The following FAM171B variants were observed in gnomAD, a reference collection of about 807,000 sequenced individuals.
FAM171B encodes the protein protein FAM171B.
In FAM171B, 19 loss-of-function variants were observed where a neutral mutation model predicts 75.6. The ratio of observed to expected loss-of-function variants is 0.25; its 90% confidence interval spans 0.18 to 0.37. FAM171B has a LOEUF of 0.37. Among genes scored for constraint, FAM171B ranks in the 10% least tolerant of loss-of-function variants. The probability of loss-of-function intolerance (pLI) is 1.00; values close to 1 mark genes in which losing one functional copy is unlikely to be tolerated. For synonymous variants in FAM171B, 367 were observed against 361.7 expected (o/e 1.01, Z -0.17); for missense variants, 848 against 982.4 (o/e 0.86, Z 1.83).
intron 6 of FAM171B, among the ~76,000 whole-genome samples, chr2:186,755,455 T>C (rs1690519709): frequency 6.6e-6 from 1 of 152,224 alleles, no homozygotes; most frequent in Non-Finnish European, 1.5e-5. Context: ...ATAATTCTTT[T>C]GGTTTATCAA....
chr2:186,724,114 G>C (rs184167468), intron 1 of FAM171B, among the ~76,000 whole-genome samples: 2 of 152,314 alleles, frequency 1.3e-5, no homozygotes, highest in East Asian at 3.9e-4. Context: ...AAGTGGGTTA[G>C]CACAGCAAGT....
intron 1 of FAM171B, among the ~76,000 whole-genome samples, chr2:186,703,431 G>A (rs776455640): frequency 9.2e-5 from 14 of 152,086 alleles, no homozygotes; most frequent in Non-Finnish European, 1.6e-4. Flanking sequence ...CCTGAGCTCC[G>A]AACACATTAT....
At chr2:186,753,111 CATG>C (rs1227400244) in intron 5 of FAM171B, among the ~76,000 whole-genome samples, 1 of 152,008 alleles carries the variant, frequency 6.6e-6, no homozygotes, top group Non-Finnish European at 1.5e-5. Flanking sequence ...TCTGGAGAGT[CATG>C]ATTTTTCTAA....
Position 186,754,002 on chromosome 2 carries a change from C to T in FAM171B, c.965C>T (p.Ala322Val), listed in dbSNP as rs2105790901. 3 of 1,612,586 alleles carry T rather than the reference C, an allele frequency of 1.9e-6. No homozygotes were observed. The highest frequency in any genetic ancestry group is 2.2e-5 in the East Asian group (1 of 44,804). The change falls in exon 6 of 8, where the codon GCA becomes GTA. Residue 322 changes from alanine (A) to valine (V), a missense_variant. Ala to Val is a moderately conservative substitution (Grantham distance 64). Around this residue, in one of 3 missense-constraint regions of FAM171B, gnomAD observed 665 missense variants for 729.0 expected, o/e 0.91. Coordinates refer to ENST00000304698, the MANE Select transcript of FAM171B (RefSeq NM_177454.4). ...HNNHLIWTYD[A>V]PHLGYWIAAP... The stretch of plus-strand genomic sequence containing the variant: ...AATCATTTAATCTGGACATATGATG[C>T]ACCACATTTGGGGTACTGGATAGCA...
intron 1 of FAM171B, among the ~76,000 whole-genome samples, chr2:186,706,099 A>T (rs1405660073): frequency 6.6e-6 from 1 of 152,162 alleles, no homozygotes; most frequent in East Asian, 1.9e-4. Context: ...CAGTCATCTA[A>T]TCCCTCCAGG....
rs1690045833 is a variant in FAM171B at position 186,727,128 on chromosome 2, TAG to T, written c.239-13099_239-13098del. Among the ~76,000 whole-genome samples the T allele has an allele frequency of 4.6e-5, 7 of 152,222 alleles. No homozygotes were observed. The South Asian group carries it at 1.5e-3, about 32-fold the overall frequency. On this transcript the variant is annotated intron_variant, in intron 1 of 7. Transcript: ENST00000304698. ...GCTAACTCTTATTTAGCTCAAGCTT[TAG>T]CATGACTCATGGCTGAGTTGGAAAT...
chr2:186,694,302 A>ACAG lies in FAM171B; in HGVS notation c.147_149dup (p.Gln56dup), dbSNP rs144403657. The ACAG allele has an allele frequency of 0.27, 422,487 of 1,548,460 alleles. 45,551 individuals carry two copies. Among genetic ancestry groups the ACAG allele is most frequent in the South Asian group, 0.35 (29,894 of 85,944 alleles). ...GCCGCTCCGACCTCAGCCTCATCCA[A>ACAG]CAGCAGCAGCAGCAGCAGCAACAAC... On this transcript the variant is annotated inframe_insertion, in exon 1 of 8. Transcript: ENST00000304698.
intron 1 of FAM171B, among the ~76,000 whole-genome samples, chr2:186,715,456 C>T (rs1389451628): frequency 6.6e-6 from 1 of 152,078 alleles, no homozygotes; most frequent in Non-Finnish European, 1.5e-5. Context: ...TCAGGCCTCC[C>T]CCTCACAGAA....
intron 1 of FAM171B, among the ~76,000 whole-genome samples, chr2:186,735,998 A>C (rs867482732): frequency 5.9e-5 from 9 of 152,332 alleles, no homozygotes; most frequent in Middle Eastern, 6.8e-3. Context: ...AAAGATGCAA[A>C]GCAGATGTGT....
chr2:186,733,075 A>G (rs1361417903), intron 1 of FAM171B, among the ~76,000 whole-genome samples: 1 of 152,102 alleles, frequency 6.6e-6, no homozygotes, highest in Non-Finnish European at 1.5e-5. Flanking sequence ...CCTTGCTCAT[A>G]TCTGATTACC....
At chr2:186,707,156 TTAA>T (rs1458079958) in intron 1 of FAM171B, among the ~76,000 whole-genome samples, 1 of 152,118 alleles carries the variant, frequency 6.6e-6, no homozygotes, top group African/African-American at 2.4e-5. Flanking sequence ...GTATCACAGT[TTAA>T]TAATAAAACT....
At chr2:186,714,075 T>G (rs1331259753) in intron 1 of FAM171B, among the ~76,000 whole-genome samples, 1 of 152,172 alleles carries the variant, frequency 6.6e-6, no homozygotes, top group Non-Finnish European at 1.5e-5. Flanking sequence ...TGTTGGACAG[T>G]GTGACTTTGA....
At chr2:186,727,056 C>G (rs1402895179) in intron 1 of FAM171B, among the ~76,000 whole-genome samples, 3 of 152,104 alleles carry the variant, frequency 2.0e-5, no homozygotes, top group Admixed American at 2.0e-4. Flanking sequence ...GCAACGCCTC[C>G]TCTTCCCTCT....
intron 1 of FAM171B, 99 bp downstream of exon 1, chr2:186,694,510 G>C (rs1689551124): frequency 2.1e-6 from 3 of 1,425,344 alleles, no homozygotes; most frequent in Middle Eastern, 2.0e-4. Context: ...TCCTATCCTC[G>C]TTCGTTCCTG....
intron 1 of FAM171B, among the ~76,000 whole-genome samples, chr2:186,736,571 A>G (rs1489219627): frequency 2.1e-5 from 2 of 95,844 alleles, no homozygotes; most frequent in African/African-American, 3.4e-5. Flanking sequence ...TGTGTGGGAG[A>G]GAGAGAGAGA....
intron 6 of FAM171B, among the ~76,000 whole-genome samples, 170 bp downstream of exon 6, chr2:186,754,219 C>A (rs939085635): frequency 6.6e-6 from 1 of 151,918 alleles, no homozygotes; most frequent in Non-Finnish European, 1.5e-5. Flanking sequence ...AGATTAAGCG[C>A]CATGAACTCT....
chr2:186,755,468 G>A (rs1484055557), intron 6 of FAM171B, among the ~76,000 whole-genome samples: 2 of 152,170 alleles, frequency 1.3e-5, no homozygotes, highest in African/African-American at 2.4e-5. Flanking sequence ...TTTATCAAGT[G>A]TTTTGGCTCA....
chr2:186,701,075 C>G (rs1226860523), intron 1 of FAM171B, among the ~76,000 whole-genome samples: 1 of 151,940 alleles, frequency 6.6e-6, no homozygotes, highest in African/African-American at 2.4e-5. Flanking sequence ...TGCCACCATG[C>G]CTGGCTAAGT....
chr2:186,723,185 C>G (rs1269051878), intron 1 of FAM171B, among the ~76,000 whole-genome samples: 4 of 152,162 alleles, frequency 2.6e-5, no homozygotes, highest in Admixed American at 2.0e-4. Context: ...GTATTGTACC[C>G]TAGCAAATGG....
Sources: gnomAD v4.1 joint callset for allele counts (sites outside exome capture counted in the v4.1 genomes callset) on GRCh38, gnomAD v4.1.1 for gene constraint, gnomAD v4.1.1 regional missense constraint, MANE v1.5 for transcripts, NCBI Gene and HGNC (gene_info 2026-07-23, HGNC 2026-07-21) for gene names.